The following UGT2B10 variants were observed in gnomAD, a reference collection of about 807,000 sequenced individuals.
The protein encoded by UGT2B10 is UDP glucuronosyltransferase family 2 member B10.
UGT2B10 carries 51 observed loss-of-function variants against 43.7 expected under a neutral mutation model. The ratio of observed to expected loss-of-function variants is 1.17; its 90% confidence interval spans 0.93 to 1.47. The LOEUF (loss-of-function observed/expected upper bound fraction) is 1.47, where lower values mean the gene tolerates loss of function less well. Among genes scored for constraint, UGT2B10 ranks in the 40% most tolerant of loss-of-function variants. The pLI is 0.00. For synonymous variants in UGT2B10, 225 were observed against 209.0 expected, an observed-to-expected ratio of 1.08 and a Z score of -0.66; for missense variants, 696 against 617.7, an observed-to-expected ratio of 1.13 and a Z score of -1.34.
chr4:68,821,098 C>T (rs548967302), intron 2 of UGT2B10, among the ~76,000 whole-genome samples: 1 of 152,158 alleles, frequency 6.6e-6, no homozygotes, highest in Non-Finnish European at 1.5e-5. Flanking sequence ...CTCACGTTAA[C>T]TTAAGATTAC....
intron 3 of UGT2B10, among the ~76,000 whole-genome samples, chr4:68,826,164 A>G (rs1476825576): frequency 1.3e-5 from 2 of 152,194 alleles, no homozygotes; most frequent in East Asian, 3.9e-4. Context: ...AATTTTCTAA[A>G]TACTTGAACT....
At chr4:68,827,182 A>G (rs1455569464) in intron 4 of UGT2B10, 147 bp from the exon 5 acceptor site, 119 of 1,314,626 alleles carry the variant, frequency 9.1e-5, no homozygotes, top group South Asian at 1.4e-4. Flanking sequence ...CTCCAACACA[A>G]GTACCTGTTT....
In UGT2B10 at chr4:68,826,140, T is replaced by C. The variant is rs537895913; in HGVS notation, c.1000-270T>C. 5.3e-5 allele frequency among the ~76,000 whole-genome samples: 8 copies of C among 152,262 alleles called. No homozygotes were observed. The South Asian group carries it at 6.2e-4, about 12-fold the overall frequency. ...TGGTTAGCCGCAGGTAGTTCTTCTT[T>C]TAAAAAGTATAAAAATTTTCTAAAT... On this transcript the variant is annotated intron_variant, in intron 3 of 5. Transcript: ENST00000265403.
rs998197944 is a variant in UGT2B10 at position 68,831,868 on chromosome 4, C to G, written c.*989C>G. Among the ~76,000 whole-genome samples the G allele has an allele frequency of 3.9e-5, 6 of 152,034 alleles. No individual in the cohort carries two copies. Among genetic ancestry groups the G allele is most frequent in the African/African-American group, 1.4e-4 (6 of 41,442 alleles). On this transcript the variant is annotated 3_prime_UTR_variant, in exon 6 of 6. Coordinates refer to ENST00000265403, the MANE Select transcript of UGT2B10 (RefSeq NM_001075.6). ...AATCCAACTGCAAAGTTCACCTTAC[C>G]TGACTAAGGATTATTCATTAAGTTT...
rs1738055140 is a variant in UGT2B10, at chr4:68,830,785, C to T, written c.1493C>T (p.Ala498Val). The T allele has an allele frequency of 4.3e-6, 7 of 1,613,164 alleles. No homozygotes were observed. Among genetic ancestry groups the T allele is most frequent in the African/African-American group, 2.7e-5 (2 of 74,832 alleles). The change falls in exon 6 of 6, where the codon GCT (alanine) becomes GTT (valine). Residue 498 changes from alanine (A) to valine (V), a missense_variant. Physicochemically the swap from Ala to Val is moderately conservative, Grantham distance 64. Coordinates refer to ENST00000265403, the MANE Select transcript of UGT2B10 (RefSeq NM_001075.6). ...HSLDVIGFLL[A>V]CVATVLFIIT... ...TTGGATGTGATTGGGTTCCTGCTGGCTTGTGTGGCAACCGTGCTATTTATC... is the reference window on the plus strand; with the variant it reads ...TTGGATGTGATTGGGTTCCTGCTGGTTTGTGTGGCAACCGTGCTATTTATC...
intron 2 of UGT2B10, among the ~76,000 whole-genome samples, chr4:68,821,804 A>G (rs1467987267): frequency 1.3e-5 from 2 of 152,178 alleles, no homozygotes; most frequent in Non-Finnish European, 2.9e-5. Flanking sequence ...TAGTTAGGGA[A>G]GTAAACCACT....
At chr4:68,828,300 G>A (rs1737904241) in intron 5 of UGT2B10, among the ~76,000 whole-genome samples, 5 of 150,442 alleles carry the variant, frequency 3.3e-5, no homozygotes, top group Admixed American at 2.0e-4. Context: ...ATGTCGTTGT[G>A]TGTTTTAATA....
intron 4 of UGT2B10, 23 bp downstream of exon 4, chr4:68,826,520 T>A (rs756052513): frequency 6.2e-7 from 1 of 1,601,544 alleles, no homozygotes; most frequent in Non-Finnish European, 8.5e-7. Flanking sequence ...TGAACAATAC[T>A]GGATATATTA....
chr4:68,826,461 C>T lies in UGT2B10; in HGVS notation c.1051C>T (p.Arg351Ter), dbSNP rs200095580. 1.5e-5 allele frequency: 24 copies of T among 1,612,406 alleles called. No homozygotes were observed. The highest frequency in any genetic ancestry group is 2.2e-5 in the East Asian group (1 of 44,732). Residue 351 changes from arginine (R) to a stop codon, truncating the protein, a stop_gained, in exon 4 of 6, where the codon CGA (arginine) becomes TGA (stop). Transcript: ENST00000265403. LOFTEE classifies it high-confidence loss of function. ...ACCAGATGCCTTAGGTCTCAATACT[C>T]GACTGTACAAGTGGATACCCCAGAA... is the stretch of plus-strand genomic sequence containing the variant. ...NKPDALGLNT[R>*]LYKWIPQNDL... is the part of the protein sequence containing the mutation.
At chr4:68,816,926 G>A (rs533586235) in intron 1 of UGT2B10, among the ~76,000 whole-genome samples, 189 bp downstream of exon 1, 2 of 151,746 alleles carry the variant, frequency 1.3e-5, no homozygotes, top group Non-Finnish European at 2.9e-5. Context: ...CAGTGAAAAC[G>A]CTGTGACCAT....
At chr4:68,817,292 T>G (rs149534426) in intron 1 of UGT2B10, among the ~76,000 whole-genome samples, 131 of 151,934 alleles carry the variant, frequency 8.6e-4, no homozygotes, top group Non-Finnish European at 1.7e-3. Context: ...CTATACTCCT[T>G]CACTAAATAA....
At chr4:68,829,293 C>A (rs528883442) in intron 5 of UGT2B10, among the ~76,000 whole-genome samples, 8 of 151,976 alleles carry the variant, frequency 5.3e-5, no homozygotes, top group African/African-American at 1.4e-4. Flanking sequence ...ATTCAAAGTC[C>A]GGTTATTCTT....
At chr4:68,827,853 G>A (rs565289922) in intron 5 of UGT2B10, among the ~76,000 whole-genome samples, 1 of 151,850 alleles carries the variant, frequency 6.6e-6, no homozygotes, top group African/African-American at 2.4e-5. Flanking sequence ...TAGAAAGGAA[G>A]AATAATCTTG....
chr4:68,829,009 A>C (rs1306488790), intron 5 of UGT2B10, among the ~76,000 whole-genome samples: 1 of 151,982 alleles, frequency 6.6e-6, no homozygotes, highest in African/African-American at 2.4e-5. Flanking sequence ...CAGCAATTCT[A>C]CTCTCAATTA....
intron 2 of UGT2B10, among the ~76,000 whole-genome samples, chr4:68,819,116 A>G (rs1220375058): frequency 1.3e-5 from 2 of 151,954 alleles, no homozygotes; most frequent in African/African-American, 2.4e-5. Context: ...CCAACTTCAT[A>G]TTGTGTTGTG....
intron 2 of UGT2B10, 75 bp downstream of exon 2, chr4:68,818,252 A>C (rs1263971935): frequency 6.4e-7 from 1 of 1,573,256 alleles, no homozygotes; most frequent in African/African-American, 1.4e-5. Flanking sequence ...CTTCATTCAG[A>C]GTGTTTGACT....
At position 68,827,510 on chromosome 4, in the gene UGT2B10, C is replaced by T. The variant is rs754229126; in HGVS notation, c.1269C>T (p.Asp423=). 27 of 1,613,320 alleles carry T rather than the reference C, an allele frequency of 1.7e-5. No homozygotes were observed. The highest frequency in any genetic ancestry group is 2.3e-5 in the Non-Finnish European group (27 of 1,179,514). ...ACTTCAACACAATGTCGAGTACAGA[C>T]CTGCTGAATGCACTGAAGACAGTAA... The part of the protein sequence containing the change: ...RVDFNTMSST[D]LLNALKTVIN... Residue 423 remains aspartate (D), a synonymous_variant, in exon 5 of 6, where the codon GAC becomes GAT. Coordinates refer to ENST00000265403, the MANE Select transcript of UGT2B10 (RefSeq NM_001075.6).
chr4:68,829,797 T>A (rs185461307), intron 5 of UGT2B10, among the ~76,000 whole-genome samples: 175 of 152,186 alleles, frequency 1.1e-3, no homozygotes, highest in African/African-American at 3.9e-3. Flanking sequence ...AGTGTGCAGG[T>A]AAAAGTGTTA....
rs746268655 is a variant in UGT2B10 at position 68,816,729 on chromosome 4, A to G, written c.710A>G (p.Glu237Gly). ...AAGAAGTGGGATCAGTTTTACAGTGAAGTTTTAGGTAAGATTTTTTTCAAT... is the reference window on the plus strand; with the variant it reads ...AAGAAGTGGGATCAGTTTTACAGTGGAGTTTTAGGTAAGATTTTTTTCAAT... ...NMKKWDQFYS[E>G]VLGRPTTLSE... The change falls in exon 1 of 6, where the codon GAA becomes GGA. Residue 237 changes from glutamate (E) to glycine (G), a missense_variant. By Grantham distance (98) the Glu-to-Gly change is moderately conservative. Transcript: ENST00000265403. The G allele has an allele frequency of 8.8e-6, 14 of 1,592,326 alleles. No homozygotes were observed. In the East Asian group the frequency reaches 2.9e-4, roughly 33 times the overall value.
Sources: gnomAD v4.1 joint callset for allele counts (sites outside exome capture counted in the v4.1 genomes callset) on GRCh38, gnomAD v4.1.1 for gene constraint, MANE v1.5 for transcripts, NCBI Gene and HGNC (gene_info 2026-07-23, HGNC 2026-07-21) for gene names.